The following DMC1 variants were observed in gnomAD, a reference collection of about 807,000 sequenced individuals.
DMC1 encodes the protein meiotic recombination protein DMC1 homolog.
Under a neutral mutation model 50.1 loss-of-function variants are expected in DMC1, and 27 were observed. That is an observed-to-expected ratio of 0.54 (90% CI 0.40 to 0.74). DMC1 has a LOEUF of 0.74. Among genes scored for constraint, DMC1 ranks in the 30% least tolerant of loss-of-function variants. DMC1 has a pLI of 0.00. For missense variants in DMC1, 295 were observed against 420.2 expected (o/e 0.70, Z 2.60); for synonymous variants, 148 against 136.1 (o/e 1.09, Z -0.61).
At chr22:38,566,887 A>C (rs908821846) in intron 3 of DMC1, 151 bp from the exon 4 acceptor site, 4 of 756,568 alleles carry the variant, frequency 5.3e-6, no homozygotes, top group Admixed American at 4.1e-5. Flanking sequence ...ATGTAGCCAA[A>C]TGTTCTGGAA....
intron 12 of DMC1, among the ~76,000 whole-genome samples, chr22:38,524,906 A>G (rs2090070975): frequency 6.6e-6 from 1 of 152,026 alleles, no homozygotes; most frequent in Non-Finnish European, 1.5e-5. Context: ...TACTAAAAAT[A>G]CAAAATTAGC....
At chr22:38,516,254 G>A (rs935999062), downstream of DMC1, among the ~76,000 whole-genome samples, 4 of 152,168 alleles carry the variant, frequency 2.6e-5, no homozygotes, top group African/African-American at 9.7e-5. Context: ...TGTAAGAGTG[G>A]CTGGACCCAG....
In DMC1 at chr22:38,519,660, A is replaced by G; in HGVS notation, c.*360T>C. The G allele has an allele frequency of 3.6e-6, 1 of 275,616 alleles. No individual in the cohort carries two copies. The highest frequency in any genetic ancestry group is 7.1e-6 in the Non-Finnish European group (1 of 140,198). The allele number at this position is 275,616 out of a possible 1,614,324, so 17.1% of individuals were successfully genotyped here. ...TTTCTGTTTAGTGGCTCACTTTGAAAAGTGAAAGGGAGGGAATCACGTACT... is the reference window on the plus strand; with the variant it reads ...TTTCTGTTTAGTGGCTCACTTTGAAGAGTGAAAGGGAGGGAATCACGTACT... On this transcript the variant is annotated 3_prime_UTR_variant, in exon 14 of 14. Coordinates refer to ENST00000216024, the MANE Select transcript of DMC1 (RefSeq NM_007068.4).
At chr22:38,537,268 C>A (rs1173388358) in intron 12 of DMC1, among the ~76,000 whole-genome samples, 3 of 152,016 alleles carry the variant, frequency 2.0e-5, no homozygotes, top group Non-Finnish European at 4.4e-5. Flanking sequence ...GACAGGAGTA[C>A]AATGGCGCGA....
intron 4 of DMC1, among the ~76,000 whole-genome samples, chr22:38,565,648 C>T (rs1296653735): frequency 2.6e-5 from 4 of 152,248 alleles, no homozygotes; most frequent in Non-Finnish European, 5.9e-5. Flanking sequence ...TGCTGTCCAA[C>T]ACCACTGGCT....
intron 8 of DMC1, among the ~76,000 whole-genome samples, chr22:38,539,930 T>C (rs2090262212): frequency 6.6e-6 from 1 of 152,164 alleles, no homozygotes; most frequent in Non-Finnish European, 1.5e-5. Context: ...TTCCTCAATA[T>C]GAAATAGTTT....
intron 9 of DMC1, 69 bp downstream of exon 9, chr22:38,539,252 C>T (rs1387388907): frequency 2.0e-5 from 21 of 1,058,804 alleles, no homozygotes; most frequent in Admixed American, 1.4e-4. Context: ...AATGTTGTAT[C>T]CCTCAAGTAG....
At chr22:38,550,040 C>T (rs762718763) in intron 7 of DMC1, 43 bp from the exon 8 acceptor site, 1 of 1,400,772 alleles carries the variant, frequency 7.1e-7, no homozygotes, top group Admixed American at 1.8e-5. Flanking sequence ...AGTGAATAAA[C>T]TTTGTACACA....
chr22:38,562,071 A>G (rs1343027893), intron 5 of DMC1, among the ~76,000 whole-genome samples: 1 of 152,170 alleles, frequency 6.6e-6, no homozygotes, highest in Non-Finnish European at 1.5e-5. Flanking sequence ...CAGAAACTAG[A>G]TTTTGGGTCT....
At chr22:38,549,693 T>C in intron 8 of DMC1, 3 of 475,742 alleles carry the variant, frequency 6.3e-6, no homozygotes, top group Non-Finnish European at 7.5e-6. Context: ...AAAATGATGA[T>C]ATAATTTCCT....
chr22:38,567,079 C>G (rs2090587786), intron 3 of DMC1, among the ~76,000 whole-genome samples: 1 of 152,206 alleles, frequency 6.6e-6, no homozygotes, highest in Admixed American at 6.5e-5. Context: ...TTCTACAGAA[C>G]TTCATTACCA....
At chr22:38,521,216 A>G (rs1463655224) in intron 13 of DMC1, among the ~76,000 whole-genome samples, 1 of 152,196 alleles carries the variant, frequency 6.6e-6, no homozygotes, top group Non-Finnish European at 1.5e-5. Flanking sequence ...ATGTTCCCAT[A>G]CTTGATACTT....
At chr22:38,520,916 G>A (rs187317734) in intron 13 of DMC1, among the ~76,000 whole-genome samples, 149 of 147,466 alleles carry the variant, frequency 1.0e-3, no homozygotes, top group Non-Finnish European at 1.2e-3. Flanking sequence ...TCACTCTGTC[G>A]CCCGGGCTGG....
chr22:38,542,610 G>C (rs897143469), intron 8 of DMC1, among the ~76,000 whole-genome samples: 1 of 152,164 alleles, frequency 6.6e-6, no homozygotes, highest in Non-Finnish European at 1.5e-5. Flanking sequence ...AATCAGTACT[G>C]TTAAAATGTC....
At chr22:38,512,404 G>A in the DMC1 span, among the ~76,000 whole-genome samples, 3 of 152,136 alleles carry the variant, frequency 2.0e-5, no homozygotes, top group African/African-American at 7.2e-5. Flanking sequence ...AGAGGCCTGC[G>A]GGCCTGATGA....
chr22:38,563,730 C>T (rs574130564), intron 4 of DMC1, among the ~76,000 whole-genome samples: 39 of 150,704 alleles, frequency 2.6e-4, no homozygotes, highest in African/African-American at 4.9e-5. Context: ...GATGGAGTCT[C>T]GCTCTGTCGC....
intron 6 of DMC1, among the ~76,000 whole-genome samples, chr22:38,554,691 T>C (rs764395673): frequency 6.7e-6 from 1 of 150,350 alleles, no homozygotes; most frequent in Non-Finnish European, 1.5e-5. Flanking sequence ...AAAAAAAAAA[T>C]AGAGGATATA....
intron 12 of DMC1, among the ~76,000 whole-genome samples, chr22:38,523,052 T>C (rs1012743089): frequency 6.6e-6 from 1 of 152,194 alleles, no homozygotes; most frequent in South Asian, 2.1e-4. Context: ...GAGGCTAGCC[T>C]GGGCACCATA....
At chr22:38,556,781 A>C (rs2090472953) in intron 5 of DMC1, among the ~76,000 whole-genome samples, 1 of 152,336 alleles carries the variant, frequency 6.6e-6, no homozygotes, top group East Asian at 1.9e-4. Flanking sequence ...AGGTCAGACA[A>C]AAATTTAAGA....
Sources: allele counts gnomAD v4.1 joint callset (sites outside exome capture counted in the v4.1 genomes callset), GRCh38; gene constraint gnomAD v4.1.1; transcripts MANE v1.5; gene names NCBI Gene and HGNC (gene_info 2026-07-23, HGNC 2026-07-21).